ANKS1A: variants seen among roughly 807,000 people sequenced by gnomAD.
ANKS1A encodes ankyrin repeat and SAM domain-containing protein 1A.
Under a neutral mutation model 120.3 loss-of-function variants are expected in ANKS1A, and 55 were observed. The observed-to-expected ratio is 0.46, with a 90% confidence interval of 0.37 to 0.57. ANKS1A has a LOEUF of 0.57. Among genes scored for constraint, ANKS1A ranks in the 20% least tolerant of loss-of-function variants. The probability of loss-of-function intolerance (pLI) is 0.00; values close to 1 mark genes in which losing one functional copy is unlikely to be tolerated. For synonymous variants in ANKS1A, 590 were observed against 604.7 expected, an observed-to-expected ratio of 0.98 and a Z score of 0.36; for missense variants, 1,123 against 1,480.3, an observed-to-expected ratio of 0.76 and a Z score of 3.96.
intron 1 of ANKS1A, among the ~76,000 whole-genome samples, chr6:34,966,526 A>C (rs1002317176): frequency 6.6e-6 from 1 of 152,234 alleles, no homozygotes; most frequent in African/African-American, 2.4e-5. Context: ...TAGCCAATGC[A>C]GTAAAGTTTG....
chr6:35,010,547 G>A (rs557910875), intron 10 of ANKS1A, among the ~76,000 whole-genome samples: 42 of 152,306 alleles, frequency 2.8e-4, no homozygotes, highest in Non-Finnish European at 5.0e-4. Context: ...TTGCTACAAA[G>A]GAGGTGGGAA....
rs1337721392 is a variant in ANKS1A at position 34,889,847 on chromosome 6, A to G, written c.197+248A>G. On this transcript the variant is annotated intron_variant, in intron 1 of 23. Coordinates refer to ENST00000360359, the MANE Select transcript of ANKS1A (RefSeq NM_015245.3). The surrounding 1 kb of genome is among the most constrained non-coding windows in gnomAD (Gnocchi z 5.5). The stretch of plus-strand genomic sequence containing the variant: ...AGAATGGTGGGAGTGCCCAGGTGGC[A>G]GCCTCCGCCGCATGGCACAGCCAGG... 6.6e-6 allele frequency among the ~76,000 whole-genome samples: 1 copy of G among 152,134 alleles called. No individual in the cohort carries two copies. Among genetic ancestry groups the G allele is most frequent in the Non-Finnish European group, 1.5e-5 (1 of 68,008 alleles).
In ANKS1A at chr6:34,967,293, G is replaced by A. The variant is rs536063772; in HGVS notation, c.252G>A (p.Leu84=). The change falls in exon 2 of 24, where the codon CTG becomes CTA. Residue 84 remains leucine (L), a synonymous_variant. Transcript: ENST00000360359. ...TTGACAGCACTGGCTACACACCCCTGCACCATGCTGCTTTGAATGGCCATA... is the reference window on the plus strand; with the variant it reads ...TTGACAGCACTGGCTACACACCCCTACACCATGCTGCTTTGAATGGCCATA... ...NCVDSTGYTP[L]HHAALNGHKD... 34 of 1,613,712 alleles carry A rather than the reference G, an allele frequency of 2.1e-5. 1 individual carries two copies. The South Asian group carries it at 3.0e-4, about 14-fold the overall frequency.
chr6:35,068,254 A>G (rs1462997321), intron 13 of ANKS1A, among the ~76,000 whole-genome samples: 1 of 152,168 alleles, frequency 6.6e-6, no homozygotes, highest in East Asian at 1.9e-4. Context: ...AGAATCTTTT[A>G]GTGTAGGGAA....
At chr6:35,047,492 A>G (rs1191435270) in intron 11 of ANKS1A, among the ~76,000 whole-genome samples, 2 of 152,214 alleles carry the variant, frequency 1.3e-5, no homozygotes, top group Admixed American at 1.3e-4. Flanking sequence ...CTGGCAGATT[A>G]ACCAGTGTTT....
At chr6:34,978,501 A>T (rs554703975) in intron 3 of ANKS1A, among the ~76,000 whole-genome samples, 2 of 152,240 alleles carry the variant, frequency 1.3e-5, no homozygotes, top group Admixed American at 1.3e-4. Context: ...ATTAACCAGC[A>T]CTTAATAATA....
chr6:35,004,111 CCT>C (rs1773308650), intron 10 of ANKS1A, among the ~76,000 whole-genome samples: 1 of 151,886 alleles, frequency 6.6e-6, no homozygotes, highest in Non-Finnish European at 1.5e-5. Flanking sequence ...GTCACGTACC[CCT>C]GTTTGCTCAG....
chr6:34,924,675 G>C (rs1253893567), intron 1 of ANKS1A, among the ~76,000 whole-genome samples: 2 of 152,220 alleles, frequency 1.3e-5, no homozygotes, highest in African/African-American at 4.8e-5. Flanking sequence ...AACAAAGGCA[G>C]AGGAATCTGT....
chr6:34,918,928 T>C (rs1020886211), intron 1 of ANKS1A, among the ~76,000 whole-genome samples: 2 of 152,230 alleles, frequency 1.3e-5, no homozygotes, highest in Non-Finnish European at 2.9e-5. Context: ...CTTGGCTCAC[T>C]GCAACACCCG....
intron 1 of ANKS1A, 139 bp from the exon 2 acceptor site, chr6:34,967,100 T>C (rs942615117): frequency 4.2e-6 from 3 of 717,968 alleles, no homozygotes; most frequent in Admixed American, 2.3e-5. Flanking sequence ...TGCTGTGTGT[T>C]ATCAGGAGTC....
At chr6:34,920,827 C>T (rs1768397665) in intron 1 of ANKS1A, among the ~76,000 whole-genome samples, 2 of 152,198 alleles carry the variant, frequency 1.3e-5, no homozygotes, top group African/African-American at 2.4e-5. Context: ...TTTCACTCAC[C>T]GCCTTGCTGA....
At chr6:35,075,615 C>T (rs944647355) in intron 13 of ANKS1A, among the ~76,000 whole-genome samples, 5 of 152,018 alleles carry the variant, frequency 3.3e-5, no homozygotes, top group Non-Finnish European at 7.4e-5. Flanking sequence ...GGGGTTTCAC[C>T]GTGTTGGTCA....
intron 1 of ANKS1A, among the ~76,000 whole-genome samples, chr6:34,963,632 C>T (rs567594785): frequency 9.2e-5 from 14 of 152,274 alleles, no homozygotes; most frequent in Admixed American, 7.8e-4. Context: ...TTTGGATATA[C>T]CCAGTAGTAC....
chr6:34,956,325 T>C (rs1371012630), intron 1 of ANKS1A, among the ~76,000 whole-genome samples: 1 of 152,014 alleles, frequency 6.6e-6, no homozygotes, highest in Admixed American at 6.5e-5. Context: ...CCTTGTCTCA[T>C]ATCTTTGAGT....
At chr6:35,029,796 C>A (rs974866131) in intron 11 of ANKS1A, among the ~76,000 whole-genome samples, 22 of 147,924 alleles carry the variant, frequency 1.5e-4, no homozygotes, top group African/African-American at 4.7e-4. Context: ...ATGTAATATA[C>A]AAATATATAT....
intron 1 of ANKS1A, among the ~76,000 whole-genome samples, chr6:34,944,970 T>C (rs960712577): frequency 6.6e-6 from 1 of 152,232 alleles, no homozygotes; most frequent in African/African-American, 2.4e-5. Flanking sequence ...GTCGGTGTTG[T>C]ACCTAAATAG....
At chr6:34,993,788 C>T (rs1034982770) in intron 9 of ANKS1A, among the ~76,000 whole-genome samples, 1 of 152,026 alleles carries the variant, frequency 6.6e-6, no homozygotes, top group African/African-American at 2.4e-5. Context: ...AGAAAAGAAA[C>T]GTGGAGAAAG....
intron 10 of ANKS1A, among the ~76,000 whole-genome samples, chr6:35,016,103 C>T (rs901128282): frequency 2.6e-4 from 39 of 152,292 alleles, no homozygotes; most frequent in African/African-American, 8.7e-4. Flanking sequence ...ATCATGCAGC[C>T]CAGCCCAGTC....
At chr6:34,940,681 C>T (rs964267555) in intron 1 of ANKS1A, among the ~76,000 whole-genome samples, 1 of 152,010 alleles carries the variant, frequency 6.6e-6, no homozygotes, top group Non-Finnish European at 1.5e-5. Context: ...GAGGCCAAGG[C>T]AGGCGGATCA....
Sources: gnomAD v4.1 joint callset for allele counts (sites outside exome capture counted in the v4.1 genomes callset) on GRCh38, gnomAD v4.1.1 for gene constraint, Gnocchi (gnomAD v3.1) non-coding constraint, MANE v1.5 for transcripts, NCBI Gene and HGNC (gene_info 2026-07-23, HGNC 2026-07-21) for gene names.